SAMMSON: variants seen among roughly 807,000 people sequenced by gnomAD.
The protein encoded by SAMMSON is survival associated mitochondrial melanoma specific oncogenic non-coding RNA, also known as long intergenic non-protein coding RNA 1212.
intron 3 of SAMMSON, among the ~76,000 whole-genome samples, chr3:70,056,845 A>G (rs1157044279): frequency 6.6e-6 from 1 of 152,012 alleles, no homozygotes; most frequent in Non-Finnish European, 1.5e-5. Context: ...TTTTCCTATG[A>G]CAGGAGGCCA....
intron 4 of SAMMSON, among the ~76,000 whole-genome samples, chr3:70,245,198 A>C (rs1304458792): frequency 6.6e-6 from 1 of 152,160 alleles, no homozygotes; most frequent in Non-Finnish European, 1.5e-5. Context: ...TCTTGGCGTT[A>C]AGTCTGCATT....
intron 4 of SAMMSON, among the ~76,000 whole-genome samples, chr3:70,208,313 G>A (rs1023109394): frequency 5.3e-5 from 8 of 152,016 alleles, no homozygotes; most frequent in African/African-American, 1.9e-4. Context: ...TGGCAACCTG[G>A]TTTGATTTTA....
chr3:70,351,989 G>A (rs1225296727), intron 7 of SAMMSON, among the ~76,000 whole-genome samples: 1 of 151,916 alleles, frequency 6.6e-6, no homozygotes, highest in Non-Finnish European at 1.5e-5. Context: ...CAAGCCCTGA[G>A]GATTTTGGGT....
chr3:70,330,086 G>C (rs1702610119), intron 7 of SAMMSON, among the ~76,000 whole-genome samples: 1 of 151,612 alleles, frequency 6.6e-6, no homozygotes, highest in Non-Finnish European at 1.5e-5. Flanking sequence ...TTTCAAAAAA[G>C]AATGAATAAT....
chr3:70,001,342 A>T (rs2066904940), intron 1 of SAMMSON, among the ~76,000 whole-genome samples: 1 of 152,042 alleles, frequency 6.6e-6, no homozygotes, highest in African/African-American at 2.4e-5. Context: ...TCCTGTGTGT[A>T]AGACATACTG....
At chr3:70,395,087 A>G (rs762511417) in intron 2 of SAMMSON, among the ~76,000 whole-genome samples, 9 of 152,080 alleles carry the variant, frequency 5.9e-5, no homozygotes, top group South Asian at 4.1e-4. Context: ...CCATCCCCCA[A>G]CTGCTTAGCA....
intron 4 of SAMMSON, among the ~76,000 whole-genome samples, chr3:70,240,162 G>C (rs1477625282): frequency 6.6e-6 from 1 of 152,036 alleles, no homozygotes; most frequent in Non-Finnish European, 1.5e-5. Flanking sequence ...ATTTTAAAGT[G>C]TAAAATGGCC....
rs1364340616 is a variant in SAMMSON, at chr3:70,172,378, G to C, written n.508-76729G>C. On this transcript the variant is annotated intron_variant and non_coding_transcript_variant, in intron 4 of 9. Coordinates refer to ENST00000642114, the Ensembl canonical transcript of SAMMSON. ...TGGTCCCACCTGCATCCATGAGAAA[G>C]AGAAAACAAAGCTTCAATTTTAAGT... 3 of 151,370 alleles carry C rather than the reference G, an allele frequency of 2.0e-5. No homozygotes were observed. The East Asian group carries it at 5.9e-4, about 30-fold the overall frequency. 9.4% of individuals were successfully genotyped at this position (151,370 alleles called of 1,614,324 possible).
intron 4 of SAMMSON, among the ~76,000 whole-genome samples, chr3:70,088,167 A>G (rs1461633812): frequency 2.0e-5 from 3 of 152,156 alleles, no homozygotes; most frequent in Non-Finnish European, 4.4e-5. Context: ...AGTTCATGCA[A>G]CCTTAGGATA....
chr3:70,360,041 C>T lies in SAMMSON; in HGVS notation n.913+1717C>T, dbSNP rs115033927. On this transcript the variant is annotated intron_variant and non_coding_transcript_variant, in intron 9 of 9. Transcript: ENST00000642114. ...GCTAGTAAATGGAACAGACTTCCGTCGGCGCATTTGCTGATCAAAGTCTAA... is the reference window on the plus strand; with the variant it reads ...GCTAGTAAATGGAACAGACTTCCGTTGGCGCATTTGCTGATCAAAGTCTAA... 6.0e-3 allele frequency among the ~76,000 whole-genome samples: 917 copies of T among 152,190 alleles called. 12 individuals are homozygous for T. Among genetic ancestry groups the T allele is most frequent in the African/African-American group, 0.02 (843 of 41,544 alleles).
intron 4 of SAMMSON, among the ~76,000 whole-genome samples, chr3:70,235,536 T>G (rs189829905): frequency 3.2e-4 from 48 of 152,340 alleles, no homozygotes; most frequent in Admixed American, 3.0e-3. Context: ...ATCAATGATC[T>G]GTAATCAGTT....
At chr3:70,045,945 A>G (rs2067125698) in intron 3 of SAMMSON, among the ~76,000 whole-genome samples, 1 of 152,152 alleles carries the variant, frequency 6.6e-6, no homozygotes, top group Non-Finnish European at 1.5e-5. Context: ...GAGAAACGCA[A>G]GGAGAAAATA....
At chr3:70,289,940 T>G (rs1702214436) in intron 6 of SAMMSON, among the ~76,000 whole-genome samples, 2 of 152,016 alleles carry the variant, frequency 1.3e-5, no homozygotes, top group Non-Finnish European at 1.5e-5. Context: ...TCTCTATTGG[T>G]TATTCTAGTT....
intron 3 of SAMMSON, among the ~76,000 whole-genome samples, chr3:70,023,061 AATCTCACCTC>A (rs1310763273): frequency 6.6e-6 from 1 of 152,160 alleles, no homozygotes; most frequent in African/African-American, 2.4e-5. Context: ...CGAATTGCAA[AATCTCACCTC>A]ATCTCATAAT....
intron 9 of SAMMSON, among the ~76,000 whole-genome samples, chr3:70,372,570 G>T (rs1018378154): frequency 5.3e-5 from 8 of 152,062 alleles, no homozygotes; most frequent in African/African-American, 1.7e-4. Context: ...AAGGTGCTGG[G>T]ATTACAGGTA....
intron 6 of SAMMSON, among the ~76,000 whole-genome samples, chr3:70,269,202 A>C (rs547674471): frequency 6.6e-6 from 1 of 152,328 alleles, no homozygotes; most frequent in African/African-American, 2.4e-5. Flanking sequence ...CACATACAAT[A>C]CTCATAAAAA....
chr3:70,058,794 AATAG>A (rs1388434148), intron 3 of SAMMSON, among the ~76,000 whole-genome samples: 4 of 152,082 alleles, frequency 2.6e-5, no homozygotes, highest in Non-Finnish European at 4.4e-5. Context: ...TAAATCTCAA[AATAG>A]ATAGGTTCTA....
intron 4 of SAMMSON, among the ~76,000 whole-genome samples, chr3:70,128,450 G>A (rs2067468114): frequency 6.6e-6 from 1 of 152,134 alleles, no homozygotes; most frequent in Admixed American, 6.5e-5. Flanking sequence ...GCTCCAAAAA[G>A]TCCCAGGTCA....
chr3:70,422,866 G>C (rs1317649197), intron 2 of SAMMSON, among the ~76,000 whole-genome samples: 1 of 151,818 alleles, frequency 6.6e-6, no homozygotes, highest in Admixed American at 6.6e-5. Context: ...TCAAAATATA[G>C]TAAAATCATC....
Sources: allele counts gnomAD v4.1 joint callset (sites outside exome capture counted in the v4.1 genomes callset), GRCh38; gene constraint gnomAD v4.1.1; transcripts MANE v1.5; gene names NCBI Gene and HGNC (gene_info 2026-07-23, HGNC 2026-07-21).